GCN1: variants seen among roughly 807,000 people sequenced by gnomAD.
GCN1 encodes the protein GCN1 activator of EIF2AK4.
GCN1 carries 90 observed loss-of-function variants against 288.4 expected under a neutral mutation model. The observed-to-expected ratio is 0.31, with a 90% CI of 0.26 to 0.37. The LOEUF (loss-of-function observed/expected upper bound fraction) is 0.37, where lower values mean the gene tolerates loss of function less well. Ranked by LOEUF, GCN1 falls within the 10% of genes least tolerant of loss-of-function variation. The probability of loss-of-function intolerance (pLI) is 1.00; values close to 1 mark genes in which losing one functional copy is unlikely to be tolerated. For missense variants in GCN1, 2,586 were observed against 3,419.9 expected (o/e 0.76, Z 6.08); for synonymous variants, 1,386 against 1,420.2 (o/e 0.98, Z 0.54).
In GCN1 at chr12:120,127,919, C is replaced by A. The variant is rs773861589; in HGVS notation, c.7946G>T (p.Arg2649Leu). ...ASLEVLNEVN[R>L]RSLKKLASQA... Reference sequence around the variant, plus strand: ...GCTGGCCAGCTTCTTCAGGGACCTTCGGTTAACCTCGTTCAGCACCTCCAA... The same window carrying A: ...GCTGGCCAGCTTCTTCAGGGACCTTAGGTTAACCTCGTTCAGCACCTCCAA... Residue 2649 changes from arginine to leucine, a missense_variant, in exon 58 of 58, where the codon CGA becomes CTA. This residue lies in a region of GCN1 where 355 missense variants were observed against 431.1 expected (regional missense o/e 0.82). Transcript: ENST00000300648. The A allele has an allele frequency of 1.2e-6, 2 of 1,613,958 alleles. No homozygotes were observed. The highest frequency in any genetic ancestry group is 2.7e-5 in the African/African-American group (2 of 74,912).
chr12:120,175,105 T>C (rs1010190846), intron 12 of GCN1, 57 bp downstream of exon 12: 97 of 1,465,630 alleles, frequency 6.6e-5, no homozygotes, highest in Non-Finnish European at 8.6e-5. Context: ...CTATCCTAGA[T>C]GACACAGCAA....
intron 14 of GCN1, among the ~76,000 whole-genome samples, chr12:120,170,823 A>C (rs758750151): frequency 6.6e-6 from 1 of 151,790 alleles, no homozygotes; most frequent in African/African-American, 2.4e-5. Flanking sequence ...CCCAAATTCT[A>C]AATTTGGGTC....
At chr12:120,149,813 C>T (rs905466746) in intron 35 of GCN1, 93 bp from the exon 36 acceptor site, 3 of 1,535,676 alleles carry the variant, frequency 2.0e-6, no homozygotes, top group Non-Finnish European at 1.8e-6. Context: ...ATAACCAACG[C>T]TTACTGGGGT....
At chr12:120,167,352 CAAAAAAAA>C (rs58505091) in intron 16 of GCN1, among the ~76,000 whole-genome samples, 3 of 73,016 alleles carry the variant, frequency 4.1e-5, no homozygotes, top group Non-Finnish European at 9.0e-5. Context: ...AACTCCATCT[CAAAAAAAA>C]AAAAAAAAAA....
chr12:120,184,251 G>A lies in GCN1; in HGVS notation c.186-8C>T, dbSNP rs375241593. On this transcript the variant is annotated splice_polypyrimidine_tract_variant and splice_region_variant and intron_variant, in intron 3 of 57. Transcript: ENST00000300648. ...CTGCGGGAGGCTGCATCTCTAGGGG[G>A]AGAGGCAAAGGAAAGGGTGAACATG... is the stretch of plus-strand genomic sequence containing the variant. The A allele has an allele frequency of 2.2e-5, 35 of 1,610,210 alleles. No individual in the cohort carries two copies. The highest frequency in any genetic ancestry group is 2.6e-5 in the Non-Finnish European group (31 of 1,178,842).
chr12:120,157,962 T>A lies in GCN1; in HGVS notation c.2974A>T (p.Met992Leu). The change falls in exon 26 of 58, where the codon ATG becomes TTG. Residue 992 changes from methionine to leucine, a missense_variant. This residue lies in a region of GCN1 where 153 missense variants were observed against 252.0 expected (regional missense o/e 0.61). Transcript: ENST00000300648. ...FPFLKMVLTEMPHHSEEEEEW... is the reference protein window; with the variant it reads ...FPFLKMVLTELPHHSEEEEEW... ...TCCTCCTCCTCACTGTGGTGGGGCA[T>A]CTCCGTCAGCACCATCTTCAGAAAC... 1.2e-6 allele frequency: 2 copies of A among 1,613,910 alleles called. No individual in the cohort carries two copies. Among genetic ancestry groups the A allele is most frequent in the Non-Finnish European group, 1.7e-6 (2 of 1,179,930 alleles).
rs1225253826 is a variant in GCN1 at position 120,155,150 on chromosome 12, C to T, written c.3630+91G>A. 1.2e-5 allele frequency: 18 copies of T among 1,530,288 alleles called. No individual in the cohort carries two copies. The highest frequency in any genetic ancestry group is 6.8e-5 in the African/African-American group (5 of 73,262). The allele number at this position is 1,530,288 out of a possible 1,614,324, so 94.8% of individuals were successfully genotyped here. On this transcript the variant is annotated intron_variant, in intron 30 of 57. Transcript: ENST00000300648. This position sits in a 1 kb window ranked among gnomAD's most constrained non-coding sequence, Gnocchi z 4.9. ...AGCTACCCTGAGCCACCGTGAGCCC[C>T]GAGATTCCTGTCTGGAGCAGTAGCG...
Position 120,142,745 on chromosome 12 carries a change from G to C in GCN1, c.5614-23C>G, listed in dbSNP as rs749001233. On this transcript the variant is annotated intron_variant, in intron 43 of 57. Coordinates refer to ENST00000300648, the MANE Select transcript of GCN1 (RefSeq NM_006836.2). This position sits in a 1 kb window ranked among gnomAD's most constrained non-coding sequence, Gnocchi z 4.9. ...CGCCTGCAGCCAGTAGAAGGGGACAGAGAGTAGTGAAGCCTCTATGGCATG... is the reference window on the plus strand; with the variant it reads ...CGCCTGCAGCCAGTAGAAGGGGACACAGAGTAGTGAAGCCTCTATGGCATG... 1.2e-6 allele frequency: 2 copies of C among 1,611,620 alleles called. No individual in the cohort carries two copies. Among genetic ancestry groups the C allele is most frequent in the Non-Finnish European group, 1.7e-6 (2 of 1,177,710 alleles).
At position 120,155,423 on chromosome 12, in the gene GCN1, A is replaced by C; in HGVS notation, c.3448T>G (p.Ser1150Ala). Residue 1150 changes from serine to alanine, a missense_variant, in exon 30 of 58, where the codon TCA becomes GCA. Physicochemically the swap from Ser to Ala is moderately conservative, Grantham distance 99. This residue lies in a region of GCN1 where 332 missense variants were observed against 403.0 expected (regional missense o/e 0.82). Transcript: ENST00000300648. The surrounding 1 kb of genome is among the most constrained non-coding windows in gnomAD (Gnocchi z 4.9). ...EIRKLAERLWSMMGLDLQPDL... is the reference protein window; with the variant it reads ...EIRKLAERLWAMMGLDLQPDL... ...GGCTGCAGGTCTAGGCCCATCATTG[A>C]CCAGAGCCTGTGGGAGATCCAAGGC... 6.2e-7 allele frequency: 1 copy of C among 1,613,590 alleles called. No individual in the cohort carries two copies. Among genetic ancestry groups the C allele is most frequent in the African/African-American group, 1.3e-5 (1 of 75,044 alleles).
chr12:120,129,633 C>T, intron 56 of GCN1, 139 bp from the exon 57 acceptor site: 1 of 671,608 alleles, frequency 1.5e-6, no homozygotes, highest in Non-Finnish European at 2.7e-6. Flanking sequence ...CCCAGCATGA[C>T]TCGACCCTGG....
intron 15 of GCN1, 143 bp downstream of exon 15, chr12:120,170,026 G>T: frequency 1.4e-6 from 1 of 712,560 alleles, no homozygotes; most frequent in East Asian, 2.5e-5. Context: ...CAACCATGAG[G>T]TTCATCCTGC....
At position 120,144,354 on chromosome 12, in the gene GCN1, A is replaced by T. The variant is rs1260855050; in HGVS notation, c.5447T>A (p.Leu1816Gln). ...SMYAETAIAL[L>Q]LPQLEQGLFD... ...GAGGCCTTGCTCTAGCTGGGGCAGC[A>T]GCAGGGCGATGGCTGTCTCAGCGTA... Residue 1816 changes from leucine (L) to glutamine (Q), a missense_variant, in exon 42 of 58, where the codon CTG (leucine) becomes CAG (glutamine). By Grantham distance (113) the Leu-to-Gln change is moderately radical. Around this residue, in one of 8 missense-constraint regions of GCN1, gnomAD observed 371 missense variants for 572.6 expected, o/e 0.65. Transcript: ENST00000300648. This position sits in a 1 kb window ranked among gnomAD's most constrained non-coding sequence, Gnocchi z 4.7. 6.2e-7 allele frequency: 1 copy of T among 1,614,236 alleles called. No homozygotes were observed. Among genetic ancestry groups the T allele is most frequent in the Non-Finnish European group, 8.5e-7 (1 of 1,180,032 alleles).
At position 120,148,279 on chromosome 12, in the gene GCN1, G is replaced by A; in HGVS notation, c.4614C>T (p.Asn1538=). 6.2e-7 allele frequency: 1 copy of A among 1,614,094 alleles called. No homozygotes were observed. Among genetic ancestry groups the A allele is most frequent in the Non-Finnish European group, 8.5e-7 (1 of 1,179,930 alleles). ...GCACCTCCGTAAGCTTGGGCACAAT[G>A]TTGGGTAGACAGGATGACAGCTGCT... is the stretch of plus-strand genomic sequence containing the variant. ...APKQLSSCLP[N]IVPKLTEVLT... is the part of the protein sequence containing the mutation. The change falls in exon 37 of 58, where the codon AAC becomes AAT. Residue 1538 remains asparagine (N), a synonymous_variant. Coordinates refer to ENST00000300648, the MANE Select transcript of GCN1 (RefSeq NM_006836.2).
chr12:120,174,883 T>C (rs1004677859), intron 12 of GCN1, among the ~76,000 whole-genome samples: 4 of 151,468 alleles, frequency 2.6e-5, no homozygotes, highest in Admixed American at 2.0e-4. Flanking sequence ...CCCAGCACTT[T>C]GGGAGGCTGA....
At position 120,153,741 on chromosome 12, in the gene GCN1, T is replaced by C. The variant is rs2139105995; in HGVS notation, c.3867+3A>G. ...GGGTGTTCCCTGGCTGGGACCCCCTTACCTTCCCATGAGTGTTGAGCGTTG... is the reference window on the plus strand; with the variant it reads ...GGGTGTTCCCTGGCTGGGACCCCCTCACCTTCCCATGAGTGTTGAGCGTTG... On this transcript the variant is annotated splice_donor_region_variant and intron_variant, in intron 32 of 57. Transcript: ENST00000300648. This position sits in a 1 kb window ranked among gnomAD's most constrained non-coding sequence, Gnocchi z 4.4. 2 of 1,613,586 alleles carry C rather than the reference T, an allele frequency of 1.2e-6. No individual in the cohort carries two copies. The highest frequency in any genetic ancestry group is 1.7e-6 in the Non-Finnish European group (2 of 1,179,642).
Position 120,157,876 on chromosome 12 carries a change from G to A in GCN1, c.3060C>T (p.Pro1020=). 1 of 1,613,862 alleles carries A rather than the reference G, an allele frequency of 6.2e-7. No homozygotes were observed. The highest frequency in any genetic ancestry group is 8.5e-7 in the Non-Finnish European group (1 of 1,179,952). The part of the protein sequence containing the change: ...LTVQAQLRAS[P]NTPPGRVDEN... Reference sequence around the variant, plus strand: ...CGTCCACCCGCCCGGGTGGGGTGTTGGGGGAGGCCCTCAGCTGGGCTTGGA... The same window carrying A: ...CGTCCACCCGCCCGGGTGGGGTGTTAGGGGAGGCCCTCAGCTGGGCTTGGA... The change falls in exon 26 of 58, where the codon CCC becomes CCT. Residue 1020 remains proline (P), a synonymous_variant. Transcript: ENST00000300648.
chr12:120,164,839 T>A, intron 16 of GCN1, 118 bp from the exon 17 acceptor site: 1 of 623,630 alleles, frequency 1.6e-6, no homozygotes, highest in Non-Finnish European at 2.8e-6. Context: ...TAAATGTGAT[T>A]ATCACTCGAA....
rs752412811 is a variant in GCN1 at position 120,134,962 on chromosome 12, G to A, written c.7009-236C>T. ...AGGAGCAGGAGGCCGAGGAGGCGGC[G>A]GCCGCTATCTGAGGGAGCTGTCTCG... On this transcript the variant is annotated intron_variant, in intron 51 of 57. Transcript: ENST00000300648. This position sits in a 1 kb window ranked among gnomAD's most constrained non-coding sequence, Gnocchi z 5.0. Among the ~76,000 whole-genome samples, 1 of 152,204 alleles carries A rather than the reference G, an allele frequency of 6.6e-6. No homozygotes were observed. Among genetic ancestry groups the A allele is most frequent in the African/African-American group, 2.4e-5 (1 of 41,440 alleles).
At position 120,131,983 on chromosome 12, in the gene GCN1, G is replaced by A. The variant is rs1187167623; in HGVS notation, c.7357C>T (p.Leu2453=). The A allele has an allele frequency of 2.5e-6, 4 of 1,604,352 alleles. No individual in the cohort carries two copies. In the African/African-American group the frequency reaches 4.0e-5, roughly 16 times the overall value. The part of the protein sequence containing the change: ...RISSAGCLGE[L]CAFLTEEELS... The stretch of plus-strand genomic sequence containing the variant: ...TCCTCTTCAGTCAAAAAGGCACACA[G>A]TTCCCCTAGGCACCCGGCTGAGGAG... The change falls in exon 54 of 58, where the codon CTG becomes TTG. Residue 2453 remains leucine (L), a synonymous_variant. Transcript: ENST00000300648.
Sources: gnomAD v4.1 joint callset for allele counts (sites outside exome capture counted in the v4.1 genomes callset) on GRCh38, gnomAD v4.1.1 for gene constraint, gnomAD v4.1.1 regional missense constraint, Gnocchi (gnomAD v3.1) non-coding constraint, MANE v1.5 for transcripts, NCBI Gene and HGNC (gene_info 2026-07-23, HGNC 2026-07-21) for gene names.